Variants in SLIT3 observed in about 807,000 individuals in gnomAD.
SLIT3 encodes slit guidance ligand 3.
A neutral mutation model predicts 184.0 loss-of-function variants in SLIT3; 68 were observed. The ratio of observed to expected loss-of-function variants is 0.37; its 90% CI spans 0.30 to 0.45. The LOEUF (loss-of-function observed/expected upper bound fraction) is 0.45. SLIT3 is among the 20% of genes least tolerant of loss of function. The pLI, the probability that SLIT3 is intolerant of heterozygous loss-of-function variation, is 1.00. For synonymous variants in SLIT3, 831 were observed against 828.6 expected (o/e 1.00, Z -0.05); for missense variants, 1,707 against 2,026.0 (o/e 0.84, Z 3.02).
chr5:168,926,363 A>AAC (rs1761823328), intron 4 of SLIT3, among the ~76,000 whole-genome samples: 1 of 152,186 alleles, frequency 6.6e-6, no homozygotes, highest in African/African-American at 2.4e-5. Flanking sequence ...TCATTTCTCT[A>AAC]AGAGAGAACA....
Position 168,709,236 on chromosome 5 carries a change from C to T in SLIT3, c.2720-1136G>A, listed in dbSNP as rs146244542. Among the ~76,000 whole-genome samples the T allele has an allele frequency of 7.9e-3, 1,196 of 151,994 alleles. 23 individuals carry two copies. Among genetic ancestry groups the T allele is most frequent in the African/African-American group, 0.027 (1,136 of 41,462 alleles). On this transcript the variant is annotated intron_variant, in intron 25 of 35. Transcript: ENST00000519560. ...TCAGCCTCCCAAGTAGCTGGGATTA[C>T]AAGCATGCGCCACCACACCTGGCTA...
At chr5:168,796,644 A>C (rs75250446) in intron 9 of SLIT3, among the ~76,000 whole-genome samples, 9,436 of 152,232 alleles carry the variant, frequency 0.062, 961 homozygotes, top group African/African-American at 0.21. Context: ...GGCTTCCTTG[A>C]AGCCTACAGC....
intron 2 of SLIT3, among the ~76,000 whole-genome samples, chr5:169,247,356 G>A (rs1015409259): frequency 9.2e-5 from 14 of 152,150 alleles, no homozygotes; most frequent in Non-Finnish European, 1.8e-4. Flanking sequence ...CTGACTGGAG[G>A]TTTGCTGAGC....
At chr5:168,672,681 C>G (rs1393515545) in intron 33 of SLIT3, among the ~76,000 whole-genome samples, 4 of 152,148 alleles carry the variant, frequency 2.6e-5, no homozygotes, top group African/African-American at 9.7e-5. Flanking sequence ...ACTGTGTTGC[C>G]TAGGCTGGCC....
chr5:168,966,729 T>G (rs1306055489), intron 4 of SLIT3, among the ~76,000 whole-genome samples: 1 of 152,184 alleles, frequency 6.6e-6, no homozygotes, highest in African/African-American at 2.4e-5. Context: ...GCAAGAGAGA[T>G]GCAAGTCAGA....
At chr5:169,052,672 C>T (rs976517651) in intron 4 of SLIT3, among the ~76,000 whole-genome samples, 21 of 152,200 alleles carry the variant, frequency 1.4e-4, no homozygotes, top group Admixed American at 1.2e-3. Flanking sequence ...CCTCTTTGGC[C>T]TTGTCCCTGA....
At chr5:169,052,499 T>C (rs1309293909) in intron 4 of SLIT3, among the ~76,000 whole-genome samples, 3 of 152,044 alleles carry the variant, frequency 2.0e-5, no homozygotes, top group Admixed American at 6.6e-5. Flanking sequence ...GCAGAGGTGG[T>C]TTTCCCCCTC....
intron 4 of SLIT3, among the ~76,000 whole-genome samples, chr5:169,069,464 C>A (rs1758466599): frequency 6.6e-6 from 1 of 152,166 alleles, no homozygotes; most frequent in Non-Finnish European, 1.5e-5. Context: ...AGGCTGTGAG[C>A]ACTTCCCATG....
chr5:168,763,133 G>T (rs1755218249), intron 14 of SLIT3, among the ~76,000 whole-genome samples: 1 of 152,136 alleles, frequency 6.6e-6, no homozygotes, highest in Admixed American at 6.5e-5. Context: ...AGATTTTGAT[G>T]ATGCTTTGAC....
At chr5:168,997,660 C>T (rs1755561408) in intron 4 of SLIT3, among the ~76,000 whole-genome samples, 1 of 152,138 alleles carries the variant, frequency 6.6e-6, no homozygotes, top group African/African-American at 2.4e-5. Context: ...TCTGGGACTG[C>T]TGATGACCAT....
At chr5:168,701,986 G>C (rs1187091482) in intron 26 of SLIT3, among the ~76,000 whole-genome samples, 1 of 152,220 alleles carries the variant, frequency 6.6e-6, no homozygotes, top group Non-Finnish European at 1.5e-5. Context: ...TCAAACACCA[G>C]AGCCTCAGGC....
At chr5:169,106,516 T>C (rs1365773206) in intron 4 of SLIT3, among the ~76,000 whole-genome samples, 1 of 152,168 alleles carries the variant, frequency 6.6e-6, no homozygotes, top group African/African-American at 2.4e-5. Flanking sequence ...AGTGCCAAAA[T>C]TGTATCAACA....
chr5:168,755,317 T>C (rs749526130), intron 16 of SLIT3, among the ~76,000 whole-genome samples: 3 of 152,066 alleles, frequency 2.0e-5, no homozygotes, highest in Non-Finnish European at 4.4e-5. Context: ...ATTACTTCTT[T>C]ACAAAATTCA....
chr5:168,864,772 G>A (rs1450935890), intron 5 of SLIT3, among the ~76,000 whole-genome samples: 2 of 152,158 alleles, frequency 1.3e-5, no homozygotes, highest in East Asian at 1.9e-4. Flanking sequence ...GGCTTTCTTC[G>A]CAATTTACAT....
chr5:168,671,374 G>A lies in SLIT3; in HGVS notation c.3951C>T (p.Asp1317=), dbSNP rs1166888474. The change falls in exon 34 of 36, where the codon GAC becomes GAT. Residue 1317 remains aspartate, a synonymous_variant. Transcript: ENST00000519560. ...GGGACTGTGGTGGGAGGGCCTTGAA[G>A]TCCTGCAGCTCGTTGTTGATGCGCA... ...HEVRINNELQ[D]FKALPPQSLG... is the part of the protein sequence containing the mutation. The A allele has an allele frequency of 6.2e-7, 1 of 1,614,072 alleles. No homozygotes were observed. The highest frequency in any genetic ancestry group is 1.3e-5 in the African/African-American group (1 of 74,956).
intron 4 of SLIT3, among the ~76,000 whole-genome samples, chr5:169,140,161 G>T (rs973227586): frequency 1.3e-5 from 2 of 151,888 alleles, no homozygotes; most frequent in African/African-American, 4.8e-5. Context: ...TGGGGCGAAG[G>T]TGTGCTCACA....
intron 4 of SLIT3, among the ~76,000 whole-genome samples, chr5:169,038,453 T>G (rs1344986286): frequency 2.0e-5 from 3 of 152,170 alleles, no homozygotes; most frequent in Non-Finnish European, 4.4e-5. Flanking sequence ...TATGTGTAAA[T>G]AAGAAGATGG....
chr5:169,116,101 G>A (rs561574437), intron 4 of SLIT3, among the ~76,000 whole-genome samples: 3 of 152,360 alleles, frequency 2.0e-5, no homozygotes, highest in African/African-American at 7.2e-5. Flanking sequence ...TTCTCTGTGA[G>A]AGATGAGGAT....
At chr5:168,776,653 A>C (rs1237656137) in intron 12 of SLIT3, among the ~76,000 whole-genome samples, 1 of 152,110 alleles carries the variant, frequency 6.6e-6, no homozygotes, top group African/African-American at 2.4e-5. Flanking sequence ...TACTCTTTGC[A>C]ACATCCCTCC....
Sources: allele counts gnomAD v4.1 joint callset (sites outside exome capture counted in the v4.1 genomes callset), GRCh38; gene constraint gnomAD v4.1.1; transcripts MANE v1.5; gene names NCBI Gene and HGNC (gene_info 2026-07-23, HGNC 2026-07-21).